CACNA1B: variants seen among roughly 807,000 people sequenced by gnomAD.
CACNA1B encodes calcium voltage-gated channel subunit alpha1 B, also known as voltage-dependent N-type calcium channel subunit alpha-1B.
A neutral mutation model predicts 247.2 loss-of-function variants in CACNA1B; 70 were observed. The ratio of observed to expected loss-of-function variants is 0.28; its 90% CI spans 0.23 to 0.35. The LOEUF is 0.35. Ranked by LOEUF, CACNA1B falls within the 10% of genes least tolerant of loss-of-function variation. The probability of loss-of-function intolerance (pLI) is 1.00; values close to 1 mark genes in which losing one functional copy is unlikely to be tolerated. For synonymous variants in CACNA1B, 1,231 were observed against 1,294.4 expected (o/e 0.95, Z 1.05); for missense variants, 2,367 against 3,197.4 (o/e 0.74, Z 6.26).
intron 20 of CACNA1B, among the ~76,000 whole-genome samples, chr9:138,036,265 G>A (rs1405868852): frequency 5.9e-5 from 9 of 151,948 alleles, no homozygotes; most frequent in African/African-American, 1.4e-4. Context: ...TCAGCCTCCC[G>A]AGTAGCTGGG....
intron 15 of CACNA1B, among the ~76,000 whole-genome samples, chr9:137,987,338 G>C (rs1437488681): frequency 6.6e-6 from 1 of 152,168 alleles, no homozygotes; most frequent in African/African-American, 2.4e-5. Context: ...CTACGACGGA[G>C]ACCTTGTTGG....
chr9:137,985,951 C>T (rs1352342797), intron 13 of CACNA1B, among the ~76,000 whole-genome samples: 1 of 152,254 alleles, frequency 6.6e-6, no homozygotes, highest in African/African-American at 2.4e-5. Flanking sequence ...CCACCGGCCA[C>T]AGCGCTTGCA....
chr9:137,998,891 C>A (rs1381810446), intron 15 of CACNA1B, among the ~76,000 whole-genome samples: 3 of 152,194 alleles, frequency 2.0e-5, no homozygotes, highest in African/African-American at 7.2e-5. Flanking sequence ...AAACATGAAC[C>A]AGTTGTCACA....
At position 137,899,046 on chromosome 9, in the gene CACNA1B, G is replaced by A. The variant is rs1379669914; in HGVS notation, c.531-14134G>A. ...CTCAGCTTTCCAAAGTGCTGGGATT[G>A]TAGGTGTGAGCCACCCTGCCTGGCC... On this transcript the variant is annotated intron_variant, in intron 3 of 46. Coordinates refer to ENST00000371372, the MANE Select transcript of CACNA1B (RefSeq NM_000718.4). The surrounding 1 kb of genome is among the most constrained non-coding windows in gnomAD (Gnocchi z 5.0). Among the ~76,000 whole-genome samples, 1 of 151,730 alleles carries A rather than the reference G, an allele frequency of 6.6e-6. No homozygotes were observed. The highest frequency in any genetic ancestry group is 1.5e-5 in the Non-Finnish European group (1 of 67,946).
rs202111201 is a variant in CACNA1B at position 138,121,679 on chromosome 9, G to A, written c.6700G>A (p.Glu2234Lys). ...AGGCCGGCTCAGCCGTGGGCTTTCCGAACACAACGCCCTGCTGCAGAGAGA... is the reference window on the plus strand; with the variant it reads ...AGGCCGGCTCAGCCGTGGGCTTTCCAAACACAACGCCCTGCTGCAGAGAGA... ...SPGRLSRGLS[E>K]HNALLQRDPL... Residue 2234 changes from glutamate (E) to lysine (K), a missense_variant, in exon 47 of 47, where the codon GAA becomes AAA. Coordinates refer to ENST00000371372, the MANE Select transcript of CACNA1B (RefSeq NM_000718.4). The surrounding 1 kb of genome is among the most constrained non-coding windows in gnomAD (Gnocchi z 6.8). 6.2e-6 allele frequency: 10 copies of A among 1,613,056 alleles called. No homozygotes were observed. The East Asian group carries it at 8.9e-5, about 14-fold the overall frequency.
At chr9:137,958,918 C>T (rs1957979674) in intron 10 of CACNA1B, among the ~76,000 whole-genome samples, 1 of 152,132 alleles carries the variant, frequency 6.6e-6, no homozygotes, top group African/African-American at 2.4e-5. Flanking sequence ...TGTTTGTTCC[C>T]TGTCTGGACT....
chr9:138,041,457 A>C (rs1435083141), intron 20 of CACNA1B, among the ~76,000 whole-genome samples: 1 of 152,100 alleles, frequency 6.6e-6, no homozygotes, highest in Non-Finnish European at 1.5e-5. Context: ...TCAGGGATTT[A>C]ATTTTTTTAA....
rs943094678 is a variant in CACNA1B, at chr9:137,919,559, G to A, written c.966+2128G>A. ...GTCGGTCACTGGAGATTAGACAGGA[G>A]TTTTGAAGAGGATCCTTTGGAGAGA... On this transcript the variant is annotated intron_variant, in intron 6 of 46. Coordinates refer to ENST00000371372, the MANE Select transcript of CACNA1B (RefSeq NM_000718.4). This position sits in a 1 kb window ranked among gnomAD's most constrained non-coding sequence, Gnocchi z 4.6. 2.0e-5 allele frequency among the ~76,000 whole-genome samples: 3 copies of A among 152,256 alleles called. No individual in the cohort carries two copies. The highest frequency in any genetic ancestry group is 4.4e-5 in the Non-Finnish European group (3 of 68,038).
At chr9:137,908,495 G>A (rs773762624) in intron 3 of CACNA1B, among the ~76,000 whole-genome samples, 1 of 151,872 alleles carries the variant, frequency 6.6e-6, no homozygotes, top group Non-Finnish European at 1.5e-5. Context: ...CAGCCTGGGC[G>A]ACAGAGTGAG....
At chr9:137,987,845 G>C (rs1246715722) in intron 15 of CACNA1B, among the ~76,000 whole-genome samples, 1 of 152,188 alleles carries the variant, frequency 6.6e-6, no homozygotes, top group Non-Finnish European at 1.5e-5. Context: ...ACCCTGCTGG[G>C]CTGGAGCCTA....
chr9:137,917,140 T>C lies in CACNA1B; in HGVS notation c.776-101T>C. 9.4e-7 allele frequency: 1 copy of C among 1,063,262 alleles called. No individual in the cohort carries two copies. The highest frequency in any genetic ancestry group is 1.4e-6 in the Non-Finnish European group (1 of 732,596). 65.9% of individuals were successfully genotyped at this position (1,063,262 alleles called of 1,614,324 possible). On this transcript the variant is annotated intron_variant, in intron 5 of 46. Transcript: ENST00000371372. The surrounding 1 kb of genome is among the most constrained non-coding windows in gnomAD (Gnocchi z 5.5). ...AGAGTTTCTGTTGGTGGCTGGTTCC[T>C]GCCCACCTGCTGTGAGCTCTCCAGA...
chr9:138,111,562 C>A (rs766374), intron 39 of CACNA1B, among the ~76,000 whole-genome samples: 1 of 152,130 alleles, frequency 6.6e-6, no homozygotes. Context: ...CTTGACGGTG[C>A]TGCTAGGCAC....
intron 39 of CACNA1B, among the ~76,000 whole-genome samples, chr9:138,111,100 C>T (rs778569733): frequency 9.9e-5 from 15 of 152,118 alleles, no homozygotes; most frequent in East Asian, 1.9e-4. Context: ...TGTTCCCAGT[C>T]GGAAAAGAAA....
chr9:137,955,797 G>C lies in CACNA1B; in HGVS notation c.1170G>C (p.Glu390Asp). The change falls in exon 8 of 47, where the codon GAG (glutamate) becomes GAC (aspartate). Residue 390 changes from glutamate to aspartate, a missense_variant. Around this residue, in one of 12 missense-constraint regions of CACNA1B, gnomAD observed 219 missense variants for 297.6 expected, o/e 0.74. Coordinates refer to ENST00000371372, the MANE Select transcript of CACNA1B (RefSeq NM_000718.4). This position sits in a 1 kb window ranked among gnomAD's most constrained non-coding sequence, Gnocchi z 6.9. The stretch of plus-strand genomic sequence containing the variant: ...AGCGAGAGCTCAACGGGTACCTGGA[G>C]TGGATCTTCAAGGCGGGTGAGGGCC... ...QIERELNGYL[E>D]WIFKAEEVML... 1 of 1,608,946 alleles carries C rather than the reference G, an allele frequency of 6.2e-7. No homozygotes were observed. The highest frequency in any genetic ancestry group is 8.5e-7 in the Non-Finnish European group (1 of 1,177,372).
intron 3 of CACNA1B, among the ~76,000 whole-genome samples, chr9:137,898,197 T>G (rs1223320643): frequency 1.3e-5 from 2 of 152,236 alleles, no homozygotes; most frequent in Non-Finnish European, 2.9e-5. Flanking sequence ...AGCTGAGTTG[T>G]TTTTCCAAAT....
chr9:138,109,713 A>G (rs1440437809), intron 39 of CACNA1B, among the ~76,000 whole-genome samples: 1 of 152,252 alleles, frequency 6.6e-6, no homozygotes, highest in Non-Finnish European at 1.5e-5. Flanking sequence ...TTTACCCTGT[A>G]CAAAAAATAA....
At chr9:138,035,112 C>A (rs568815442) in intron 20 of CACNA1B, among the ~76,000 whole-genome samples, 2 of 152,320 alleles carry the variant, frequency 1.3e-5, no homozygotes, top group South Asian at 4.1e-4. Flanking sequence ...TGTCATTCAC[C>A]TCAGTTCGTC....
chr9:138,060,165 A>G (rs941159564), intron 31 of CACNA1B, among the ~76,000 whole-genome samples: 17 of 152,262 alleles, frequency 1.1e-4, no homozygotes, highest in African/African-American at 4.1e-4. Flanking sequence ...ACTCATTCTT[A>G]CCAAACATAT....
intron 15 of CACNA1B, among the ~76,000 whole-genome samples, chr9:137,998,583 AAAAACAAAAC>A (rs762618884): frequency 6.6e-6 from 1 of 152,264 alleles, no homozygotes; most frequent in Non-Finnish European, 1.5e-5. Context: ...CTCCGTCTCA[AAAAACAAAAC>A]AAAACAAAAG....
Sources: allele counts gnomAD v4.1 joint callset (sites outside exome capture counted in the v4.1 genomes callset), GRCh38; gene constraint gnomAD v4.1.1; regional missense constraint gnomAD v4.1.1; non-coding constraint Gnocchi (gnomAD v3.1); transcripts MANE v1.5; gene names NCBI Gene and HGNC (gene_info 2026-07-23, HGNC 2026-07-21).